IFT74: variants seen among roughly 807,000 people sequenced by gnomAD.
The protein encoded by IFT74 is intraflagellar transport 74.
In IFT74, 92 loss-of-function variants were observed where a neutral mutation model predicts 96.7. That is an observed-to-expected ratio of 0.95 (90% CI 0.80 to 1.13). The LOEUF is 1.13. IFT74 is among the 50% of genes most tolerant of loss of function. The pLI is 0.00. For missense variants in IFT74, 811 were observed against 698.2 expected (o/e 1.16, Z -1.82); for synonymous variants, 223 against 213.2 (o/e 1.05, Z -0.40).
chr9:27,032,279 C>G (rs1260605212), intron 13 of IFT74, among the ~76,000 whole-genome samples: 1 of 152,038 alleles, frequency 6.6e-6, no homozygotes, highest in African/African-American at 2.4e-5. Context: ...TCTCCTATTT[C>G]TATATGCTGG....
At position 26,948,448 on chromosome 9, in the gene IFT74, A is replaced by ATTATTTTTTTTTTTTTTTT. The variant is rs1825819541; in HGVS notation, c.-20+1304_-20+1305insATTTTTTTTTTTTTTTTTT. Among the ~76,000 whole-genome samples, 46 of 59,164 alleles carry ATTATTTTTTTTTTTTTTTT rather than the reference A, an allele frequency of 7.8e-4. 4 individuals are homozygous for ATTATTTTTTTTTTTTTTTT. The highest frequency in any genetic ancestry group is 1.3e-3 in the Non-Finnish European group (35 of 26,082). The allele number at this position is 59,164 out of a possible 152,430, so 38.8% of individuals were successfully genotyped here. On this transcript the variant is annotated intron_variant, in intron 1 of 19. Coordinates refer to the IFT74 transcript ENST00000433700. The stretch of plus-strand genomic sequence containing the variant: ...TGACAACCTGTGATGGCTTTCCATT[A>ATTATTTTTTTTTTTTTTTT]TTTTTTTTTTTTTTTTTTTTTTTTT...
chr9:27,029,412 A>G (rs551836219), intron 13 of IFT74, among the ~76,000 whole-genome samples: 1 of 152,254 alleles, frequency 6.6e-6, no homozygotes, highest in South Asian at 2.1e-4. Flanking sequence ...ACTTCCTCCT[A>G]AGTTACACTT....
Position 26,998,689 on chromosome 9 carries a change from T to A in IFT74, c.587+8494T>A, listed in dbSNP as rs931004979. Among the ~76,000 whole-genome samples the A allele has an allele frequency of 3.3e-5, 5 of 152,224 alleles. No individual in the cohort carries two copies. The South Asian group carries it at 8.3e-4, about 25-fold the overall frequency. ...CAACATTATACCTAGGGCTGTTCAATAATTAATAAATGGGCTGGGCATGGT... is the reference window on the plus strand; with the variant it reads ...CAACATTATACCTAGGGCTGTTCAAAAATTAATAAATGGGCTGGGCATGGT... On this transcript the variant is annotated intron_variant, in intron 8 of 19. Coordinates refer to ENST00000380062, the MANE Select transcript of IFT74 (RefSeq NM_025103.4).
chr9:26,967,153 A>G (rs1826661738), intron 2 of IFT74, among the ~76,000 whole-genome samples: 1 of 151,406 alleles, frequency 6.6e-6, no homozygotes, highest in Non-Finnish European at 1.5e-5. Flanking sequence ...TGATATTTTG[A>G]CAAGGATTGC....
chr9:27,011,842 C>G, intron 9 of IFT74, 64 bp from the exon 10 acceptor site: 4 of 1,041,492 alleles, frequency 3.8e-6, no homozygotes, highest in South Asian at 2.0e-5. Context: ...GCTCCCTCCC[C>G]CCACTACAAC....
upstream of IFT74, among the ~76,000 whole-genome samples, chr9:26,955,418 T>G (rs1409217670): frequency 2.0e-5 from 3 of 152,048 alleles, no homozygotes; most frequent in East Asian, 5.8e-4. Context: ...TCCACCAAAT[T>G]AGATTGGAGA....
Position 27,048,204 on chromosome 9 carries a change from G to A in IFT74, c.1263G>A (p.Met421Ile), listed in dbSNP as rs773704944. Residue 421 changes from methionine to isoleucine, a missense_variant, in exon 16 of 20, where the codon ATG becomes ATA. Met to Ile is a conservative substitution (Grantham distance 10, BLOSUM62 1). Coordinates refer to ENST00000380062, the MANE Select transcript of IFT74 (RefSeq NM_025103.4). ...TCACCAATCAAGAGCTAAAGATGAT[G>A]CAGGATGACCTCAATTTTAAATCTA... ...SSITNQELKM[M>I]QDDLNFKSTE... The A allele has an allele frequency of 1.1e-5, 17 of 1,602,528 alleles. No homozygotes were observed. Among genetic ancestry groups the A allele is most frequent in the Non-Finnish European group, 1.5e-5 (17 of 1,170,714 alleles).
chr9:27,019,000 C>A (rs1021806332), intron 12 of IFT74, among the ~76,000 whole-genome samples: 1 of 152,100 alleles, frequency 6.6e-6, no homozygotes, highest in Middle Eastern at 3.2e-3. Flanking sequence ...GAGACCAGGT[C>A]TCATTCTGCT....
chr9:27,048,312 TA>T, intron 16 of IFT74, 38 bp downstream of exon 16: 14 of 1,360,306 alleles, frequency 1.0e-5, no homozygotes, highest in African/African-American at 6.0e-5. Flanking sequence ...TCTTTTTTTT[TA>T]AAATATATCA....
intron 7 of IFT74, 52 bp downstream of exon 7, chr9:26,988,780 A>G: frequency 7.2e-7 from 1 of 1,398,008 alleles, no homozygotes; most frequent in Non-Finnish European, 9.7e-7. Context: ...ATCCTACAAA[A>G]CAAAGCATTT....
At chr9:26,991,794 G>T (rs892489150) in intron 8 of IFT74, among the ~76,000 whole-genome samples, 3 of 152,102 alleles carry the variant, frequency 2.0e-5, no homozygotes, top group African/African-American at 7.2e-5. Context: ...ACTTTGGGAG[G>T]CCGAGGCGGG....
At chr9:27,016,876 A>G in intron 10 of IFT74, 31 bp from the exon 11 acceptor site, 1 of 1,556,406 alleles carries the variant, frequency 6.4e-7, no homozygotes, top group Non-Finnish European at 8.7e-7. Flanking sequence ...TAAAATACTA[A>G]TTAAAACTTT....
rs917335114 is a variant in IFT74, at chr9:27,063,267, A to G, written c.*531A>G. ...AACATATATTCTTTATATAGCAGTT[A>G]TACCTAAAGATTTGGAATTAGAAAC... On this transcript the variant is annotated 3_prime_UTR_variant, in exon 20 of 20. Coordinates refer to ENST00000380062, the MANE Select transcript of IFT74 (RefSeq NM_025103.4). Among the ~76,000 whole-genome samples, 1 of 152,168 alleles carries G rather than the reference A, an allele frequency of 6.6e-6. No homozygotes were observed. The highest frequency in any genetic ancestry group is 6.5e-5 in the Admixed American group (1 of 15,272).
Position 26,995,763 on chromosome 9 carries a change from T to C in IFT74, c.587+5568T>C, listed in dbSNP as rs766706743. ...ATATTGTACCATATTGGGCATTTGA[T>C]AGCAATAAAAATGAGAAGTGAAGTC... On this transcript the variant is annotated intron_variant, in intron 8 of 19. Transcript: ENST00000380062. The C allele has an allele frequency of 1.1e-5, 18 of 1,613,692 alleles. No individual in the cohort carries two copies. Among genetic ancestry groups the C allele is most frequent in the Non-Finnish European group, 1.5e-5 (18 of 1,179,878 alleles).
At chr9:26,983,031 A>G (rs1287416121) in intron 4 of IFT74, among the ~76,000 whole-genome samples, 4 of 151,926 alleles carry the variant, frequency 2.6e-5, no homozygotes, top group Non-Finnish European at 5.9e-5. Flanking sequence ...TTGGCACATT[A>G]TTTGTATCTT....
chr9:26,978,298 T>C (rs1487033038), intron 3 of IFT74, 35 bp downstream of exon 3: 6 of 1,593,572 alleles, frequency 3.8e-6, no homozygotes, highest in Non-Finnish European at 5.1e-6. Context: ...CACTTGGGCC[T>C]GTGTTTTGTA....
intron 10 of IFT74, among the ~76,000 whole-genome samples, chr9:27,014,180 A>G (rs1020546839): frequency 6.6e-6 from 1 of 152,130 alleles, no homozygotes; most frequent in Non-Finnish European, 1.5e-5. Context: ...ACGCCACTGC[A>G]CTCCAGCCTG....
At chr9:26,987,942 T>TG (rs1554668426) in intron 6 of IFT74, among the ~76,000 whole-genome samples, 1 of 151,916 alleles carries the variant, frequency 6.6e-6, no homozygotes, top group Admixed American at 6.6e-5. Context: ...AAATTTGTTT[T>TG]TTGTTGTTGT....
intron 13 of IFT74, among the ~76,000 whole-genome samples, chr9:27,039,900 T>C (rs1819387534): frequency 6.6e-6 from 1 of 152,148 alleles, no homozygotes; most frequent in Non-Finnish European, 1.5e-5. Flanking sequence ...AATAATGGTA[T>C]GTGAAAAGTA....
Sources: allele counts gnomAD v4.1 joint callset (sites outside exome capture counted in the v4.1 genomes callset), GRCh38; gene constraint gnomAD v4.1.1; transcripts MANE v1.5; gene names NCBI Gene and HGNC (gene_info 2026-07-23, HGNC 2026-07-21).